ARHGAP24: variants seen among roughly 807,000 people sequenced by gnomAD.
ARHGAP24 encodes rho GTPase-activating protein 24.
A neutral mutation model predicts 76.4 loss-of-function variants in ARHGAP24; 50 were observed. The observed-to-expected ratio is 0.65, with a 90% CI of 0.52 to 0.83. The LOEUF is 0.83. Among genes scored for constraint, ARHGAP24 ranks in the 40% least tolerant of loss-of-function variants. The pLI, the probability that ARHGAP24 is intolerant of heterozygous loss-of-function variation, is 0.00. For missense variants in ARHGAP24, 930 were observed against 914.2 expected (o/e 1.02, Z -0.22); for synonymous variants, 345 against 323.3 (o/e 1.07, Z -0.72).
At chr4:85,961,110 T>C (rs768261619) in intron 5 of ARHGAP24, among the ~76,000 whole-genome samples, 1 of 152,132 alleles carries the variant, frequency 6.6e-6, no homozygotes, top group Non-Finnish European at 1.5e-5. Flanking sequence ...TGACATGTAG[T>C]GACAAAGGAT....
At chr4:85,890,038 C>T (rs1190210533) in intron 3 of ARHGAP24, among the ~76,000 whole-genome samples, 2 of 152,016 alleles carry the variant, frequency 1.3e-5, no homozygotes, top group South Asian at 2.1e-4. Flanking sequence ...GTTTCCTTCC[C>T]ATCATGCTGT....
chr4:85,845,495 A>G (rs1730835706), intron 3 of ARHGAP24, among the ~76,000 whole-genome samples: 1 of 152,188 alleles, frequency 6.6e-6, no homozygotes, highest in South Asian at 2.1e-4. Flanking sequence ...ATTAATATAA[A>G]TCATTAGTGT....
intron 2 of ARHGAP24, among the ~76,000 whole-genome samples, chr4:85,631,172 C>T (rs191778853): frequency 1.6e-3 from 247 of 152,184 alleles, no homozygotes; most frequent in African/African-American, 5.5e-3. Context: ...AAACAACTTG[C>T]TCTTAGTTTC....
At chr4:85,888,253 T>G (rs1454401804) in intron 3 of ARHGAP24, among the ~76,000 whole-genome samples, 2 of 151,996 alleles carry the variant, frequency 1.3e-5, no homozygotes, top group East Asian at 3.9e-4. Context: ...ATACAAAAAT[T>G]AGCCGGACGT....
At chr4:85,813,322 G>T (rs990310328) in intron 3 of ARHGAP24, among the ~76,000 whole-genome samples, 1 of 152,116 alleles carries the variant, frequency 6.6e-6, no homozygotes, top group African/African-American at 2.4e-5. Context: ...TAAACCAATG[G>T]AGCTATAATA....
intron 2 of ARHGAP24, among the ~76,000 whole-genome samples, chr4:85,642,989 T>C (rs115103066): frequency 0.012 from 1,784 of 152,222 alleles, 12 homozygotes; most frequent in Non-Finnish European, 0.016. Context: ...CAGCCGTGTA[T>C]CAAAACCCCA....
At chr4:85,717,275 T>G (rs1269536008) in intron 2 of ARHGAP24, among the ~76,000 whole-genome samples, 1 of 152,122 alleles carries the variant, frequency 6.6e-6, no homozygotes, top group Admixed American at 6.6e-5. Context: ...TATGACTAGT[T>G]TCTGTACATG....
rs370118119 is a variant in ARHGAP24 at position 85,592,266 on chromosome 4, A to G, written c.180+21545A>G. Reference sequence around the variant, plus strand: ...GCTTCTCTGATGATCAATGATGTTGAGCACCTTTTCATATAACTGTTTGCC... The same window carrying G: ...GCTTCTCTGATGATCAATGATGTTGGGCACCTTTTCATATAACTGTTTGCC... On this transcript the variant is annotated intron_variant, in intron 2 of 9. Coordinates refer to ENST00000395184, the MANE Select transcript of ARHGAP24 (RefSeq NM_001025616.3). Among the ~76,000 whole-genome samples the G allele has an allele frequency of 8.5e-5, 13 of 152,310 alleles. No individual in the cohort carries two copies. The East Asian group carries it at 2.1e-3, about 25-fold the overall frequency.
intron 2 of ARHGAP24, among the ~76,000 whole-genome samples, chr4:85,702,318 C>G (rs1309296893): frequency 1.3e-5 from 2 of 152,014 alleles, no homozygotes; most frequent in African/African-American, 4.8e-5. Flanking sequence ...CTTCTTCTGC[C>G]TAGAGAAACA....
chr4:85,912,746 T>C (rs1735157058), intron 3 of ARHGAP24, among the ~76,000 whole-genome samples: 1 of 152,180 alleles, frequency 6.6e-6, no homozygotes, highest in Non-Finnish European at 1.5e-5. Context: ...AAACTTGTTT[T>C]AAAATAAAAA....
At chr4:85,967,760 C>T (rs538383968) in intron 5 of ARHGAP24, among the ~76,000 whole-genome samples, 4 of 152,180 alleles carry the variant, frequency 2.6e-5, no homozygotes, top group Admixed American at 6.6e-5. Flanking sequence ...AATGACTTTA[C>T]GTTAGCAAAT....
intron 6 of ARHGAP24, among the ~76,000 whole-genome samples, chr4:85,973,812 T>G (rs772981440): frequency 6.9e-6 from 1 of 144,522 alleles, no homozygotes; most frequent in African/African-American, 2.6e-5. Flanking sequence ...TTGGCACTCA[T>G]GTCAAAAACT....
chr4:85,584,427 T>A (rs1727755976), intron 2 of ARHGAP24, among the ~76,000 whole-genome samples: 1 of 134,334 alleles, frequency 7.4e-6, no homozygotes, highest in Non-Finnish European at 1.6e-5. Flanking sequence ...AACATCCCAC[T>A]CTGAGGACTG....
At chr4:85,819,048 T>C (rs1729363654) in intron 3 of ARHGAP24, among the ~76,000 whole-genome samples, 1 of 152,214 alleles carries the variant, frequency 6.6e-6, no homozygotes, top group Non-Finnish European at 1.5e-5. Flanking sequence ...GAGCCATAGC[T>C]TAGCCAGTTT....
chr4:85,995,486 G>A lies in ARHGAP24; in HGVS notation c.1832G>A (p.Ser611Asn). The A allele has an allele frequency of 1.9e-6, 3 of 1,600,572 alleles. No individual in the cohort carries two copies. The highest frequency in any genetic ancestry group is 1.7e-5 in the Admixed American group (1 of 59,356). ...LSHPRDYESKSDHRSVGGRSS... is the reference protein window; with the variant it reads ...LSHPRDYESKNDHRSVGGRSS... The stretch of plus-strand genomic sequence containing the variant: ...CACCCCAGGGACTATGAAAGCAAAA[G>A]TGACCACAGGAGTGTGGGAGGTCGA... The change falls in exon 9 of 10, where the codon AGT becomes AAT. Residue 611 changes from serine (S) to asparagine (N), a missense_variant. Coordinates refer to ENST00000395184, the MANE Select transcript of ARHGAP24 (RefSeq NM_001025616.3).
intron 3 of ARHGAP24, among the ~76,000 whole-genome samples, chr4:85,896,902 C>G (rs1011577837): frequency 1.3e-5 from 2 of 152,116 alleles, no homozygotes; most frequent in Non-Finnish European, 2.9e-5. Flanking sequence ...ATTTATACCC[C>G]GTGAGCACTG....
intron 3 of ARHGAP24, among the ~76,000 whole-genome samples, chr4:85,735,722 GA>G (rs1349749677): frequency 2.0e-5 from 3 of 152,082 alleles, no homozygotes; most frequent in Non-Finnish European, 4.4e-5. Context: ...CTTGTCTTCA[GA>G]CTCTAGTCTT....
chr4:85,621,649 A>T (rs1381419084), intron 2 of ARHGAP24, among the ~76,000 whole-genome samples: 2 of 151,948 alleles, frequency 1.3e-5, no homozygotes, highest in Non-Finnish European at 2.9e-5. Context: ...GGTTCTTTAT[A>T]GATTATGGAT....
intron 3 of ARHGAP24, among the ~76,000 whole-genome samples, chr4:85,870,776 T>C (rs1214992908): frequency 1.3e-5 from 2 of 152,060 alleles, no homozygotes; most frequent in Non-Finnish European, 2.9e-5. Flanking sequence ...TGATATTAGG[T>C]GTGTACAGAG....
Sources: allele counts gnomAD v4.1 joint callset (sites outside exome capture counted in the v4.1 genomes callset), GRCh38; gene constraint gnomAD v4.1.1; transcripts MANE v1.5; gene names NCBI Gene and HGNC (gene_info 2026-07-23, HGNC 2026-07-21).